Variants in FAM171A1 observed in about 807,000 individuals in gnomAD.
The protein encoded by FAM171A1 is protein FAM171A1.
Under a neutral mutation model 74.9 loss-of-function variants are expected in FAM171A1, and 23 were observed. The observed-to-expected ratio is 0.31, with a 90% CI of 0.22 to 0.44. The LOEUF (loss-of-function observed/expected upper bound fraction) is 0.44, where lower values mean the gene tolerates loss of function less well. Ranked by LOEUF, FAM171A1 falls within the 20% of genes least tolerant of loss-of-function variation. The pLI is 1.00. For synonymous variants in FAM171A1, 527 were observed against 505.7 expected, an observed-to-expected ratio of 1.04 and a Z score of -0.57; for missense variants, 1,162 against 1,159.2, an observed-to-expected ratio of 1.00 and a Z score of -0.03.
chr10:15,263,737 G>GTCTA (rs1281895674), intron 3 of FAM171A1, among the ~76,000 whole-genome samples: 131 of 106,090 alleles, frequency 1.2e-3, no homozygotes, highest in Admixed American at 3.3e-3. Context: ...CTATCTATCT[G>GTCTA]TCTGTCTATC....
intron 1 of FAM171A1, among the ~76,000 whole-genome samples, chr10:15,329,368 G>A (rs925671909): frequency 6.6e-6 from 1 of 152,170 alleles, no homozygotes; most frequent in Non-Finnish European, 1.5e-5. Flanking sequence ...GCTGGGCCAC[G>A]CCAGGCTTGG....
At chr10:15,307,273 G>A (rs1352750017) in intron 1 of FAM171A1, among the ~76,000 whole-genome samples, 6 of 152,228 alleles carry the variant, frequency 3.9e-5, no homozygotes, top group Non-Finnish European at 5.9e-5. Context: ...ACCCTGACAC[G>A]ACACAGACGT....
rs144897537 is a variant in FAM171A1 at position 15,289,321 on chromosome 10, A to G, written c.98-5216T>C. The stretch of plus-strand genomic sequence containing the variant: ...CCCATAAACGGTCCCAGACCTAAAT[A>G]TGCCCTAGGGTGCACTCTTTGCTGC... On this transcript the variant is annotated intron_variant, in intron 1 of 7. Coordinates refer to ENST00000378116, the MANE Select transcript of FAM171A1 (RefSeq NM_001010924.2). Among the ~76,000 whole-genome samples the G allele has an allele frequency of 5.9e-3, 897 of 152,236 alleles. 7 individuals carry two copies. The highest frequency in any genetic ancestry group is 0.02 in the Middle Eastern group (6 of 294).
intron 5 of FAM171A1, chr10:15,241,254 G>C (rs1834360960): frequency 6.6e-6 from 1 of 152,192 alleles, no homozygotes; most frequent in Non-Finnish European, 1.5e-5. Flanking sequence ...TGGACATTGG[G>C]GCTGTCTGGG....
chr10:15,319,141 T>C (rs1417904697), intron 1 of FAM171A1, among the ~76,000 whole-genome samples: 1 of 152,200 alleles, frequency 6.6e-6, no homozygotes. Context: ...AAAGGAGACA[T>C]GGCACATATG....
At chr10:15,269,035 CTCAA>C (rs1834786262) in intron 3 of FAM171A1, among the ~76,000 whole-genome samples, 1 of 84,330 alleles carries the variant, frequency 1.2e-5, no homozygotes, top group Non-Finnish European at 2.4e-5. Flanking sequence ...GAGACTCTGT[CTCAA>C]ACAAACAAAC....
At chr10:15,310,059 T>G (rs6602835) in intron 1 of FAM171A1, among the ~76,000 whole-genome samples, 52,060 of 151,986 alleles carry the variant, frequency 0.34, 9,759 homozygotes, top group African/African-American at 0.5. Context: ...GGCTTAAGAA[T>G]CCGATGATAC....
rs532706064 is a variant in FAM171A1 at position 15,333,665 on chromosome 10, C to CA, written c.97+37290dup. Among the ~76,000 whole-genome samples the CA allele has an allele frequency of 2.9e-3, 440 of 151,986 alleles. 1 individual carries two copies. The highest frequency in any genetic ancestry group is 4.5e-3 in the Admixed American group (68 of 15,264). ...CAACATAATGAGACCCCCAACTTTA[C>CA]AAAAAAATCTAAAAAATATAGCTGG... On this transcript the variant is annotated intron_variant, in intron 1 of 7. Transcript: ENST00000378116.
chr10:15,281,090 C>T (rs2352778), intron 2 of FAM171A1, among the ~76,000 whole-genome samples: 145,300 of 152,210 alleles, frequency 0.95, 69,642 homozygotes, highest in Non-Finnish European at 1. Context: ...TCTCACGAGA[C>T]CTGGTTGTTT....
intron 1 of FAM171A1, among the ~76,000 whole-genome samples, chr10:15,329,493 G>A (rs1242335142): frequency 3.9e-5 from 6 of 152,238 alleles, no homozygotes; most frequent in Admixed American, 3.3e-4. Flanking sequence ...AGGCACACCT[G>A]TGCACATCTG....
chr10:15,278,456 T>C (rs1834922787), intron 2 of FAM171A1, among the ~76,000 whole-genome samples: 2 of 152,158 alleles, frequency 1.3e-5, no homozygotes, highest in South Asian at 4.1e-4. Context: ...CATCGATGTT[T>C]GCAGCAGCAT....
chr10:15,264,268 C>T (rs1004201540), intron 3 of FAM171A1, among the ~76,000 whole-genome samples: 2 of 152,200 alleles, frequency 1.3e-5, no homozygotes, highest in African/African-American at 4.8e-5. Context: ...AGGTGTGAGC[C>T]ACTGTGCCTG....
chr10:15,258,220 C>G (rs751286139), intron 3 of FAM171A1, among the ~76,000 whole-genome samples: 1 of 152,060 alleles, frequency 6.6e-6, no homozygotes, highest in Non-Finnish European at 1.5e-5. Context: ...ACCACCACAC[C>G]TGGCTAATTT....
Position 15,316,378 on chromosome 10 carries a change from C to T in FAM171A1, c.98-32273G>A, listed in dbSNP as rs552722958. 4.2e-4 allele frequency among the ~76,000 whole-genome samples: 64 copies of T among 152,288 alleles called. 1 individual carries two copies. The highest frequency in any genetic ancestry group is 1.5e-3 in the African/African-American group (62 of 41,562). On this transcript the variant is annotated intron_variant, in intron 1 of 7. Transcript: ENST00000378116. ...TTCCCTCACCAGGCCATTCCTGCTG[C>T]GTGTGTTTGTTCTGGGGCGTCCCGC...
intron 1 of FAM171A1, among the ~76,000 whole-genome samples, chr10:15,341,365 C>T (rs1835762341): frequency 6.6e-6 from 1 of 152,192 alleles, no homozygotes; most frequent in Non-Finnish European, 1.5e-5. Context: ...TTAGAAGCCG[C>T]TCTCTGTCTA....
chr10:15,271,503 G>A (rs577022717), intron 3 of FAM171A1, among the ~76,000 whole-genome samples: 2 of 152,266 alleles, frequency 1.3e-5, no homozygotes, highest in South Asian at 2.1e-4. Flanking sequence ...AGCAAGGCAG[G>A]CCAACATTCA....
chr10:15,227,247 C>T (rs1834120887), intron 5 of FAM171A1, among the ~76,000 whole-genome samples: 1 of 152,196 alleles, frequency 6.6e-6, no homozygotes, highest in Non-Finnish European at 1.5e-5. Flanking sequence ...GTGATCCATC[C>T]CCCTTGGCCT....
chr10:15,364,393 TC>T (rs913796983), intron 1 of FAM171A1, among the ~76,000 whole-genome samples: 2 of 152,104 alleles, frequency 1.3e-5, no homozygotes, highest in Non-Finnish European at 2.9e-5. Context: ...TCCCCAAGGA[TC>T]CCTGTCATGG....
At chr10:15,281,116 C>T (rs1013864137) in intron 2 of FAM171A1, among the ~76,000 whole-genome samples, 3 of 152,130 alleles carry the variant, frequency 2.0e-5, no homozygotes, top group Non-Finnish European at 4.4e-5. Context: ...TGTGTAGCAC[C>T]TCTACCCTCT....
Sources: gnomAD v4.1 joint callset for allele counts (sites outside exome capture counted in the v4.1 genomes callset) on GRCh38, gnomAD v4.1.1 for gene constraint, MANE v1.5 for transcripts, NCBI Gene and HGNC (gene_info 2026-07-23, HGNC 2026-07-21) for gene names.